TYR: variants seen among roughly 807,000 people sequenced by gnomAD.
TYR encodes the protein LB24-AB.
TYR carries 58 observed loss-of-function variants against 51.5 expected under a neutral mutation model. The ratio of observed to expected loss-of-function variants is 1.13; its 90% CI spans 0.91 to 1.40. TYR has a LOEUF of 1.40. Among genes scored for constraint, TYR ranks in the 40% most tolerant of loss-of-function variants. TYR has a pLI of 0.00. For missense variants in TYR, 732 were observed against 647.4 expected (o/e 1.13, Z -1.42); for synonymous variants, 263 against 235.2 (o/e 1.12, Z -1.08).
rs529969187 is a variant in TYR at position 89,262,356 on chromosome 11, G to A, written c.1185-22417G>A. On this transcript the variant is annotated intron_variant, in intron 3 of 4. Transcript: ENST00000263321. Reference sequence around the variant, plus strand: ...TTACAGGCATGAGCCACTGTGCCTGGCCTGAAATTTATGGTTATTAATGAC... The same window carrying A: ...TTACAGGCATGAGCCACTGTGCCTGACCTGAAATTTATGGTTATTAATGAC... Among the ~76,000 whole-genome samples, 3 of 152,056 alleles carry A rather than the reference G, an allele frequency of 2.0e-5. No individual in the cohort carries two copies. In the South Asian group the frequency reaches 6.2e-4, roughly 32 times the overall value.
At position 89,284,922 on chromosome 11, in the gene TYR, T is replaced by C; in HGVS notation, c.1334T>C (p.Leu445Pro). 1.9e-6 allele frequency: 3 copies of C among 1,611,770 alleles called. No individual in the cohort carries two copies. Reference sequence around the variant, plus strand: ...GATTTCTTTATTTCATCCAAAGATCTGGGCTATGACTATAGCTATCTACAA... The same window carrying C: ...GATTTCTTTATTTCATCCAAAGATCCGGGCTATGACTATAGCTATCTACAA... ...NGDFFISSKDLGYDYSYLQDS... is the reference protein window; with the variant it reads ...NGDFFISSKDPGYDYSYLQDS... The change falls in exon 4 of 5, where the codon CTG becomes CCG. Residue 445 changes from leucine (L) to proline (P), a missense_variant. Transcript: ENST00000263321.
At chr11:89,214,594 G>A (rs958562480) in intron 2 of TYR, among the ~76,000 whole-genome samples, 20 of 152,086 alleles carry the variant, frequency 1.3e-4, no homozygotes, top group Admixed American at 6.5e-4. Flanking sequence ...TGTTTATTGC[G>A]GAACTATTTA....
intron 3 of TYR, among the ~76,000 whole-genome samples, chr11:89,232,895 G>A (rs1354645134): frequency 7.0e-6 from 1 of 142,924 alleles, no homozygotes; most frequent in Non-Finnish European, 1.5e-5. Flanking sequence ...GTCTTGCCTT[G>A]ATTTTGATGG....
intron 3 of TYR, among the ~76,000 whole-genome samples, chr11:89,237,385 G>A (rs1843428616): frequency 6.6e-6 from 1 of 152,070 alleles, no homozygotes; most frequent in Non-Finnish European, 1.5e-5. Context: ...TATATATGGT[G>A]TGAGATAAGT....
chr11:89,184,224 G>T (rs1390652241), intron 1 of TYR, among the ~76,000 whole-genome samples: 1 of 151,366 alleles, frequency 6.6e-6, no homozygotes, highest in East Asian at 1.9e-4. Context: ...TAGTCACTTG[G>T]CAGTTGGCAT....
chr11:89,197,994 A>C (rs1360464281), intron 2 of TYR, among the ~76,000 whole-genome samples: 1 of 152,106 alleles, frequency 6.6e-6, no homozygotes, highest in Non-Finnish European at 1.5e-5. Flanking sequence ...CTATTTCACC[A>C]CTTCACATGC....
At chr11:89,257,113 T>G (rs188165919) in intron 3 of TYR, among the ~76,000 whole-genome samples, 1 of 152,096 alleles carries the variant, frequency 6.6e-6, no homozygotes, top group Non-Finnish European at 1.5e-5. Flanking sequence ...GAACAAGTCC[T>G]TTGCTGTTCT....
At chr11:89,282,376 A>G (rs1944730061) in intron 3 of TYR, among the ~76,000 whole-genome samples, 1 of 151,782 alleles carries the variant, frequency 6.6e-6, no homozygotes, top group South Asian at 2.1e-4. Context: ...AATTTAATTT[A>G]CCAATTGAAA....
Position 89,178,191 on chromosome 11 carries a change from T to C in TYR, c.238T>C (p.Trp80Arg), listed in dbSNP as rs61753188. Reference sequence around the variant, plus strand: ...CACAGGGGTGGATGACCGGGAGTCGTGGCCTTCCGTCTTTTATAATAGGAC... The same window carrying C: ...CACAGGGGTGGATGACCGGGAGTCGCGGCCTTCCGTCTTTTATAATAGGAC... ...PFTGVDDRESWPSVFYNRTCQ... is the reference protein window; with the variant it reads ...PFTGVDDRESRPSVFYNRTCQ... Residue 80 changes from tryptophan (W) to arginine (R), a missense_variant, in exon 1 of 5, where the codon TGG becomes CGG. Coordinates refer to ENST00000263321, the MANE Select transcript of TYR (RefSeq NM_000372.5). The C allele has an allele frequency of 6.8e-6, 11 of 1,614,056 alleles. No homozygotes were observed. The highest frequency in any genetic ancestry group is 1.3e-5 in the African/African-American group (1 of 74,924).
intron 2 of TYR, among the ~76,000 whole-genome samples, chr11:89,200,934 G>A (rs112488825): frequency 2.6e-5 from 4 of 152,076 alleles, no homozygotes; most frequent in African/African-American, 9.6e-5. Flanking sequence ...TGAACTTTTT[G>A]TCCTTGCTAC....
At chr11:89,226,315 T>C (rs112479644) in intron 2 of TYR, among the ~76,000 whole-genome samples, 4 of 152,262 alleles carry the variant, frequency 2.6e-5, no homozygotes, top group African/African-American at 7.2e-5. Context: ...AAGCCCTTTC[T>C]TTCCATTTCT....
Position 89,178,677 on chromosome 11 carries a change from G to T in TYR, c.724G>T (p.Glu242Ter). 6.2e-7 allele frequency: 1 copy of T among 1,613,828 alleles called. No individual in the cohort carries two copies. Among genetic ancestry groups the T allele is most frequent in the Non-Finnish European group, 8.5e-7 (1 of 1,179,796 alleles). Residue 242 changes from glutamate (E) to a stop codon, truncating the protein, a stop_gained, in exon 1 of 5, where the codon GAA (glutamate) becomes TAA (stop). Coordinates refer to ENST00000263321, the MANE Select transcript of TYR (RefSeq NM_000372.5). LOFTEE classifies it high-confidence loss of function. ...TIPYWDWRDA[E>*]KCDICTDEYM... The stretch of plus-strand genomic sequence containing the variant: ...TCCATATTGGGACTGGCGGGATGCA[G>T]AAAAGTGTGACATTTGCACAGATGA...
At chr11:89,200,674 T>C (rs1437833146) in intron 2 of TYR, 1 of 152,122 alleles carries the variant, frequency 6.6e-6, no homozygotes, top group Non-Finnish European at 1.5e-5. Context: ...CTAAGTGGAA[T>C]GAGATTACTT....
chr11:89,198,812 GGTTT>G (rs1265622611), intron 2 of TYR, among the ~76,000 whole-genome samples: 2 of 150,900 alleles, frequency 1.3e-5, no homozygotes, highest in African/African-American at 4.9e-5. Flanking sequence ...ACAACATGCA[GGTTT>G]GTTACATATG....
At chr11:89,181,050 CA>C (rs1439807773) in intron 1 of TYR, among the ~76,000 whole-genome samples, 1 of 152,068 alleles carries the variant, frequency 6.6e-6, no homozygotes, top group Non-Finnish European at 1.5e-5. Context: ...TTGTAAAGTT[CA>C]AGAGTCTTTT....
At chr11:89,190,697 A>C (rs1170541321) in intron 1 of TYR, among the ~76,000 whole-genome samples, 2 of 152,030 alleles carry the variant, frequency 1.3e-5, no homozygotes, top group African/African-American at 4.8e-5. Context: ...TTAGGCCTTT[A>C]TATTCACTCC....
At position 89,238,058 on chromosome 11, in the gene TYR, A is replaced by G. The variant is rs955852937; in HGVS notation, c.1184+10088A>G. On this transcript the variant is annotated intron_variant, in intron 3 of 4. Transcript: ENST00000263321. The stretch of plus-strand genomic sequence containing the variant: ...ACCATGTTGGCCAGGCTGGTCTCGA[A>G]CTCCTGACCTCAAGTGATCCACTCG... Among the ~76,000 whole-genome samples, 3 of 151,564 alleles carry G rather than the reference A, an allele frequency of 2.0e-5. No individual in the cohort carries two copies. The East Asian group carries it at 5.8e-4, about 29-fold the overall frequency.
chr11:89,251,622 GA>G (rs1055717626), intron 3 of TYR, among the ~76,000 whole-genome samples: 4 of 151,664 alleles, frequency 2.6e-5, no homozygotes, highest in Non-Finnish European at 5.9e-5. Context: ...TTATTGAAAG[GA>G]AAAAAGTTTT....
At chr11:89,187,491 A>G (rs1466734823) in intron 1 of TYR, among the ~76,000 whole-genome samples, 1 of 152,184 alleles carries the variant, frequency 6.6e-6, no homozygotes, top group Non-Finnish European at 1.5e-5. Context: ...TTGAAGGTTC[A>G]TAACAAACTC....
Sources: allele counts gnomAD v4.1 joint callset (sites outside exome capture counted in the v4.1 genomes callset), GRCh38; gene constraint gnomAD v4.1.1; transcripts MANE v1.5; gene names NCBI Gene and HGNC (gene_info 2026-07-23, HGNC 2026-07-21).